Variants in NEDD4L observed in about 807,000 individuals in gnomAD.
NEDD4L encodes the protein E3 ubiquitin-protein ligase NEDD4-like.
In NEDD4L, 54 loss-of-function variants were observed where a neutral mutation model predicts 148.9. That is an observed-to-expected ratio of 0.36 (90% CI 0.29 to 0.45). The LOEUF (loss-of-function observed/expected upper bound fraction) is 0.45, where lower values mean the gene tolerates loss of function less well. Among genes scored for constraint, NEDD4L ranks in the 20% least tolerant of loss-of-function variants. The pLI is 1.00. For missense variants in NEDD4L, 856 were observed against 1,233.8 expected, an observed-to-expected ratio of 0.69 and a Z score of 4.59; for synonymous variants, 433 against 440.7, an observed-to-expected ratio of 0.98 and a Z score of 0.22.
chr18:58,194,348 G>A (rs760608178), intron 2 of NEDD4L, among the ~76,000 whole-genome samples: 20 of 152,172 alleles, frequency 1.3e-4, no homozygotes, highest in Non-Finnish European at 2.6e-4. Flanking sequence ...GTGTTGGGCC[G>A]GTCACCCATG....
intron 1 of NEDD4L, among the ~76,000 whole-genome samples, chr18:58,152,009 G>C (rs2034832457): frequency 6.6e-6 from 1 of 152,016 alleles, no homozygotes; most frequent in Non-Finnish European, 1.5e-5. Flanking sequence ...CAGTGAGTGA[G>C]TTTGGGTTAA....
chr18:58,322,360 G>A (rs1220415047), intron 6 of NEDD4L, 65 bp from the exon 7 acceptor site: 14 of 1,073,330 alleles, frequency 1.3e-5, no homozygotes, highest in Non-Finnish European at 1.8e-5. Flanking sequence ...TAATCCAGTT[G>A]CCTGTATCTA....
intron 28 of NEDD4L, chr18:58,390,434 G>T: frequency 2.2e-6 from 1 of 464,948 alleles, no homozygotes; most frequent in Non-Finnish European, 3.9e-6. Flanking sequence ...ATTGGCAGAA[G>T]AAGAAAGAGA....
At chr18:58,320,862 C>G (rs1182899807) in intron 6 of NEDD4L, among the ~76,000 whole-genome samples, 1 of 152,022 alleles carries the variant, frequency 6.6e-6, no homozygotes, top group Non-Finnish European at 1.5e-5. Flanking sequence ...GGAAGGAAAA[C>G]CAGCAATAGT....
chr18:58,271,134 C>T (rs1353578622), intron 5 of NEDD4L, among the ~76,000 whole-genome samples: 1 of 152,042 alleles, frequency 6.6e-6, no homozygotes, highest in Non-Finnish European at 1.5e-5. Context: ...CTTAATTCCT[C>T]ACAGATGTTT....
intron 25 of NEDD4L, 55 bp downstream of exon 25, chr18:58,383,374 G>A: frequency 3.0e-6 from 3 of 989,986 alleles, no homozygotes; most frequent in Non-Finnish European, 3.1e-6. Flanking sequence ...TGCATGTTTG[G>A]TCACTGTCCC....
intron 18 of NEDD4L, among the ~76,000 whole-genome samples, chr18:58,352,539 A>G (rs980946582): frequency 4.6e-5 from 7 of 152,086 alleles, no homozygotes; most frequent in African/African-American, 1.2e-4. Context: ...TGCACCTGCA[A>G]TCCCAGCTAC....
intron 16 of NEDD4L, among the ~76,000 whole-genome samples, chr18:58,344,435 C>T (rs2042802651): frequency 6.6e-6 from 1 of 152,172 alleles, no homozygotes; most frequent in African/African-American, 2.4e-5. Flanking sequence ...CCATTACCCC[C>T]ACCCCAACAT....
chr18:58,052,663 A>G lies in NEDD4L; in HGVS notation c.48+7955A>G, dbSNP rs1427072765. ...TGAGTTTTTCTTTTTTTTTTTTTTT[A>G]AGTTTAAAAAGCTATGATGTGGCCA... On this transcript the variant is annotated intron_variant, in intron 1 of 30. Transcript: ENST00000400345. Among the ~76,000 whole-genome samples the G allele has an allele frequency of 2.2e-5, 3 of 136,038 alleles. No individual in the cohort carries two copies. In the Admixed American group the frequency reaches 2.2e-4, roughly 10 times the overall value. 89.2% of individuals were successfully genotyped at this position (136,038 alleles called of 152,430 possible).
chr18:58,088,257 G>T (rs185432957), intron 1 of NEDD4L, among the ~76,000 whole-genome samples: 8 of 152,166 alleles, frequency 5.3e-5, no homozygotes, highest in Non-Finnish European at 8.8e-5. Flanking sequence ...ATATCCTGTG[G>T]GTTACACGTC....
chr18:58,350,903 G>C, intron 17 of NEDD4L, 88 bp from the exon 18 acceptor site: 3 of 986,662 alleles, frequency 3.0e-6, no homozygotes, highest in Admixed American at 2.0e-5. Flanking sequence ...GTACAGAGGT[G>C]TTCTATAGTT....
intron 5 of NEDD4L, among the ~76,000 whole-genome samples, chr18:58,272,068 T>A (rs973478389): frequency 7.2e-5 from 11 of 152,246 alleles, no homozygotes; most frequent in Non-Finnish European, 2.9e-5. Context: ...TAGAAAAACC[T>A]TATTACTTCT....
At chr18:58,208,210 A>G (rs2042165947) in intron 2 of NEDD4L, among the ~76,000 whole-genome samples, 1 of 152,244 alleles carries the variant, frequency 6.6e-6, no homozygotes, top group Non-Finnish European at 1.5e-5. Flanking sequence ...ACAAAGTGAC[A>G]AAATTAAATA....
In NEDD4L at chr18:58,348,326, C is replaced by CTTTTTTTTTTTTTTTTTTTTTTTTTTT. The variant is rs771263533; in HGVS notation, c.1576-1188_1576-1187insTTTTTTTTTTTTTTTTTTTTTTTTTTT. 1.0e-4 allele frequency among the ~76,000 whole-genome samples: 9 copies of CTTTTTTTTTTTTTTTTTTTTTTTTTTT among 88,672 alleles called. 1 individual carries two copies. The South Asian group carries it at 1.8e-3, about 18-fold the overall frequency. 58.2% of individuals were successfully genotyped at this position (88,672 alleles called of 152,430 possible). A position where few individuals can be genotyped will look rare whatever the true frequency, so the allele number is the denominator to read the frequency against. ...CACTGCATTTCTTTTTCTTTTTTTT[C>CTTTTTTTTTTTTTTTTTTTTTTTTTTT]TTTTTTTTTTTTTTTTTTTTTTTGA... On this transcript the variant is annotated intron_variant, in intron 16 of 30. Coordinates refer to ENST00000400345, the MANE Select transcript of NEDD4L (RefSeq NM_001144967.3).
At chr18:58,171,443 C>G (rs936417701) in intron 2 of NEDD4L, among the ~76,000 whole-genome samples, 9 of 151,602 alleles carry the variant, frequency 5.9e-5, no homozygotes, top group Non-Finnish European at 1.0e-4. Flanking sequence ...CTGCTGCCCA[C>G]CTCATCACCC....
intron 2 of NEDD4L, chr18:58,221,663 GGA>G (rs1362390303): frequency 6.1e-6 from 6 of 985,338 alleles, no homozygotes; most frequent in Non-Finnish European, 7.2e-6. Context: ...ACGAGGCCAG[GGA>G]GCCGGAGGGT....
chr18:58,184,764 T>TA (rs1384910245), intron 2 of NEDD4L, among the ~76,000 whole-genome samples: 1 of 151,908 alleles, frequency 6.6e-6, no homozygotes, highest in Non-Finnish European at 1.5e-5. Flanking sequence ...CCGTCTCTAC[T>TA]AAAAATACAA....
chr18:58,330,343 A>G (rs142697067), intron 10 of NEDD4L, among the ~76,000 whole-genome samples: 1,866 of 152,210 alleles, frequency 0.012, 41 homozygotes, highest in African/African-American at 0.043. Context: ...TTGTTTATAA[A>G]CTCCAGAGAA....
At chr18:58,052,348 T>C (rs1236122440) in intron 1 of NEDD4L, among the ~76,000 whole-genome samples, 1 of 152,238 alleles carries the variant, frequency 6.6e-6, no homozygotes, top group Non-Finnish European at 1.5e-5. Flanking sequence ...TGTAATATTT[T>C]GTTTTGAACT....
Sources: allele counts gnomAD v4.1 joint callset (sites outside exome capture counted in the v4.1 genomes callset), GRCh38; gene constraint gnomAD v4.1.1; transcripts MANE v1.5; gene names NCBI Gene and HGNC (gene_info 2026-07-23, HGNC 2026-07-21).